The following TENM3 variants were observed in gnomAD, a reference collection of about 807,000 sequenced individuals.
The protein encoded by TENM3 is teneurin-3.
In TENM3, 63 loss-of-function variants were observed where a neutral mutation model predicts 255.1. The observed-to-expected ratio is 0.25, with a 90% CI of 0.20 to 0.30. The LOEUF is 0.30. Ranked by LOEUF, TENM3 falls within the 10% of genes least tolerant of loss-of-function variation. The probability of loss-of-function intolerance (pLI) is 1.00; values close to 1 mark genes in which losing one functional copy is unlikely to be tolerated. For synonymous variants in TENM3, 1,306 were observed against 1,322.3 expected (o/e 0.99, Z 0.27); for missense variants, 2,929 against 3,461.1 (o/e 0.85, Z 3.86).
chr4:181,670,595 A>G, the TENM3 span, among the ~76,000 whole-genome samples: 78 of 152,230 alleles, frequency 5.1e-4, no homozygotes, highest in Non-Finnish European at 1.9e-4. Flanking sequence ...TGTAGACACA[A>G]GGCACTGAAG....
the TENM3 span, among the ~76,000 whole-genome samples, chr4:181,704,758 C>G: frequency 2.6e-5 from 4 of 151,930 alleles, no homozygotes; most frequent in African/African-American, 9.7e-5. Context: ...CCTGGCAGGG[C>G]CCGGTGGCTC....
intron 12 of TENM3, chr4:182,711,620 T>A: frequency 1.0e-6 from 1 of 958,150 alleles, no homozygotes; most frequent in Non-Finnish European, 1.2e-6. Flanking sequence ...TACTCGCTCT[T>A]TGTTGACATA....
intron 18 of TENM3, among the ~76,000 whole-genome samples, chr4:182,742,125 T>C (rs947019292): frequency 6.6e-6 from 1 of 152,208 alleles, no homozygotes; most frequent in African/African-American, 2.4e-5. Context: ...TGTCATAAAC[T>C]GTGCATGGAA....
the TENM3 span, among the ~76,000 whole-genome samples, chr4:181,838,865 A>T: frequency 6.6e-6 from 1 of 150,914 alleles, no homozygotes; most frequent in African/African-American, 2.4e-5. Flanking sequence ...TTTTGTTTTC[A>T]TTTTTATTTT....
chr4:182,664,711 A>G (rs1052942023), intron 6 of TENM3, among the ~76,000 whole-genome samples: 3 of 152,184 alleles, frequency 2.0e-5, no homozygotes, highest in African/African-American at 7.2e-5. Context: ...TAGGAAAGCA[A>G]AACAGCCTTA....
At chr4:182,414,663 C>T (rs1770238040) in intron 3 of TENM3, among the ~76,000 whole-genome samples, 1 of 152,074 alleles carries the variant, frequency 6.6e-6, no homozygotes, top group African/African-American at 2.4e-5. Context: ...ATGTAGTTCA[C>T]TTTAAAATAT....
chr4:182,161,641 A>ATATATATATACATATATATATATG (rs1561152510), intron 1 of TENM3, among the ~76,000 whole-genome samples: 1 of 46,100 alleles, frequency 2.2e-5, no homozygotes, highest in African/African-American at 8.0e-5. Context: ...ATATATATGT[A>ATATATATATACATATATATATATG]TATATATATA....
At chr4:181,499,741 G>A in the TENM3 span, among the ~76,000 whole-genome samples, 12 of 152,290 alleles carry the variant, frequency 7.9e-5, no homozygotes, top group African/African-American at 2.6e-4. Context: ...AATCAGAAAT[G>A]GATATGATTG....
At chr4:181,775,339 A>G in the TENM3 span, among the ~76,000 whole-genome samples, 1 of 152,102 alleles carries the variant, frequency 6.6e-6, no homozygotes, top group Non-Finnish European at 1.5e-5. Context: ...GTTTGATTTC[A>G]ATTGCTTTGG....
the TENM3 span, among the ~76,000 whole-genome samples, chr4:182,070,600 G>C: frequency 1.3e-5 from 2 of 152,214 alleles, no homozygotes; most frequent in Non-Finnish European, 2.9e-5. Context: ...CTGGGTGACA[G>C]AGTGAGACTC....
chr4:182,426,555 AC>A (rs1771240668), intron 3 of TENM3, among the ~76,000 whole-genome samples: 1 of 152,150 alleles, frequency 6.6e-6, no homozygotes, highest in Non-Finnish European at 1.5e-5. Flanking sequence ...TTAGCACCAT[AC>A]TTTTATTAGA....
At chr4:182,598,198 AT>A (rs1171045131) in intron 3 of TENM3, among the ~76,000 whole-genome samples, 2 of 152,204 alleles carry the variant, frequency 1.3e-5, no homozygotes, top group Non-Finnish European at 1.5e-5. Flanking sequence ...AATTAAAAAA[AT>A]TTTTTTTAAA....
intron 12 of TENM3, among the ~76,000 whole-genome samples, chr4:182,699,108 T>TA: frequency 6.6e-6 from 1 of 152,338 alleles, no homozygotes; most frequent in South Asian, 2.1e-4. Context: ...CTGTGGTGTT[T>TA]ACTTGTGCAG....
intron 24 of TENM3, among the ~76,000 whole-genome samples, chr4:182,788,472 G>C (rs1451387473): frequency 6.6e-6 from 1 of 152,212 alleles, no homozygotes; most frequent in Non-Finnish European, 1.5e-5. Flanking sequence ...TTCGGATCAT[G>C]TGTATGTGTT....
the TENM3 span, among the ~76,000 whole-genome samples, chr4:181,883,273 T>TACAGAACTATGAC: frequency 6.6e-6 from 1 of 152,068 alleles, no homozygotes; most frequent in Non-Finnish European, 1.5e-5. Context: ...TAAGAACCTG[T>TACAGAACTATGAC]GTGGGTGCAC....
the TENM3 span, among the ~76,000 whole-genome samples, chr4:182,028,704 A>C: frequency 6.6e-6 from 1 of 152,100 alleles, no homozygotes; most frequent in Non-Finnish European, 1.5e-5. Context: ...TCATTGACCC[A>C]CTGGTCATTC....
chr4:181,549,740 GATTA>G, the TENM3 span, among the ~76,000 whole-genome samples: 5 of 152,236 alleles, frequency 3.3e-5, no homozygotes, highest in East Asian at 9.7e-4. Flanking sequence ...CCCATGCTTT[GATTA>G]ATCCTGTTCA....
chr4:182,774,114 A>G (rs1268590951), intron 23 of TENM3, among the ~76,000 whole-genome samples: 1 of 152,180 alleles, frequency 6.6e-6, no homozygotes, highest in Non-Finnish European at 1.5e-5. Flanking sequence ...TTTTCATTCC[A>G]TCTATAGTCA....
At chr4:181,719,150 G>A in the TENM3 span, among the ~76,000 whole-genome samples, 1 of 151,984 alleles carries the variant, frequency 6.6e-6, no homozygotes, top group East Asian at 1.9e-4. Flanking sequence ...AGCTTGCAGT[G>A]AGCCGAGATC....
Sources: allele counts gnomAD v4.1 joint callset (sites outside exome capture counted in the v4.1 genomes callset), GRCh38; gene constraint gnomAD v4.1.1; transcripts MANE v1.5; gene names NCBI Gene and HGNC (gene_info 2026-07-23, HGNC 2026-07-21).